TUB: variants seen among roughly 807,000 people sequenced by gnomAD.
TUB encodes TUB bipartite transcription factor.
Under a neutral mutation model 59.7 loss-of-function variants are expected in TUB, and 33 were observed. That is an observed-to-expected ratio of 0.55 (90% CI 0.42 to 0.74). The LOEUF is 0.74. Ranked by LOEUF, TUB falls within the 30% of genes least tolerant of loss-of-function variation. The pLI is 0.00. For synonymous variants in TUB, 293 were observed against 256.4 expected (o/e 1.14, Z -1.36); for missense variants, 659 against 672.0 (o/e 0.98, Z 0.21).
intron 2 of TUB, among the ~76,000 whole-genome samples, chr11:8,061,132 C>T (rs146426341): frequency 6.6e-5 from 10 of 152,380 alleles, no homozygotes; most frequent in Non-Finnish European, 1.5e-4. Flanking sequence ...CCTTGATGCT[C>T]TCTGTCCATT....
At chr11:8,021,888 C>T (rs1412652347) in intron 1 of TUB, among the ~76,000 whole-genome samples, 9 of 150,042 alleles carry the variant, frequency 6.0e-5, no homozygotes, top group East Asian at 3.9e-4. Context: ...TGGACTCTAG[C>T]CTGGGCAACA....
intron 2 of TUB, among the ~76,000 whole-genome samples, chr11:8,055,220 T>C (rs1943000216): frequency 6.6e-6 from 1 of 152,002 alleles, no homozygotes; most frequent in African/African-American, 2.4e-5. Flanking sequence ...GGCCTGTGTG[T>C]GTGCGTGTGT....
chr11:8,032,223 G>T (rs1396737536), intron 1 of TUB, among the ~76,000 whole-genome samples: 1 of 152,146 alleles, frequency 6.6e-6, no homozygotes, highest in Non-Finnish European at 1.5e-5. Flanking sequence ...TCCTACTCCA[G>T]TCCTGACCCT....
upstream of TUB, chr11:8,077,768 G>A (rs1943473484): frequency 6.6e-6 from 1 of 152,146 alleles, no homozygotes; most frequent in African/African-American, 2.4e-5. Flanking sequence ...ACACCTTAAT[G>A]TAGGGTACAG....
chr11:8,087,306 T>G (rs1448865047), intron 1 of TUB, among the ~76,000 whole-genome samples: 2 of 152,252 alleles, frequency 1.3e-5, no homozygotes, highest in African/African-American at 4.8e-5. Flanking sequence ...GGAAGTCATC[T>G]TCTTTGTCTT....
exon 1 of TUB, chr11:8,038,665 G>C (rs540092869): frequency 1.2e-5 from 17 of 1,371,106 alleles, no homozygotes; most frequent in Middle Eastern, 5.6e-4. Context: ...GAAGGGTTTG[G>C]GGGGAGACTG....
At chr11:8,079,834 G>C (rs1943512152), upstream of TUB, among the ~76,000 whole-genome samples, 1 of 152,072 alleles carries the variant, frequency 6.6e-6, no homozygotes, top group African/African-American at 2.4e-5. Context: ...GTGTGACTTT[G>C]GGCAAGATCC....
intron 2 of TUB, among the ~76,000 whole-genome samples, chr11:8,073,671 T>A: frequency 6.6e-6 from 1 of 152,164 alleles, no homozygotes. Flanking sequence ...AACAAACCCC[T>A]CCTGGAGGCT....
At chr11:8,064,409 C>T (rs1193381565) in intron 2 of TUB, among the ~76,000 whole-genome samples, 2 of 152,134 alleles carry the variant, frequency 1.3e-5, no homozygotes, top group Admixed American at 1.3e-4. Context: ...GCTTGTAGTA[C>T]ACTTGCCTGT....
upstream of TUB, among the ~76,000 whole-genome samples, chr11:8,078,223 C>A (rs970902606): frequency 1.3e-5 from 2 of 152,062 alleles, no homozygotes; most frequent in African/African-American, 2.4e-5. Context: ...CCTTCACTCC[C>A]CCTCACAAAC....
chr11:8,090,983 C>A (rs2133836072), intron 3 of TUB, among the ~76,000 whole-genome samples: 1 of 152,224 alleles, frequency 6.6e-6, no homozygotes, highest in East Asian at 1.9e-4. Context: ...GCTAGTAATC[C>A]AGGCTGCTAC....
chr11:8,039,684 G>T, exon 2 of TUB: 1 of 1,534,992 alleles, frequency 6.5e-7, no homozygotes, highest in Non-Finnish European at 8.8e-7. Context: ...AAGGAAGGGA[G>T]ATCGCTCGGT....
At chr11:8,057,895 C>T (rs1403108987) in intron 2 of TUB, among the ~76,000 whole-genome samples, 1 of 152,088 alleles carries the variant, frequency 6.6e-6, no homozygotes, top group Non-Finnish European at 1.5e-5. Flanking sequence ...TTGACTTAAC[C>T]ACTCAGTCAG....
chr11:8,041,967 T>C (rs1410200135), intron 2 of TUB, among the ~76,000 whole-genome samples: 1 of 152,194 alleles, frequency 6.6e-6, no homozygotes, highest in Non-Finnish European at 1.5e-5. Context: ...TTCAAAGCTC[T>C]CACATTACCC....
At chr11:8,038,321 G>A (rs1942681376), upstream of TUB, among the ~76,000 whole-genome samples, 1 of 152,164 alleles carries the variant, frequency 6.6e-6, no homozygotes, top group South Asian at 2.1e-4. Flanking sequence ...GAACACCCAG[G>A]TGCATTTCAG....
At chr11:8,038,669 G>A (rs1942687356) in exon 1 of TUB, 3 of 1,376,200 alleles carry the variant, frequency 2.2e-6, no homozygotes, top group East Asian at 2.8e-5. Context: ...GGTTTGGGGG[G>A]AGACTGCGAC....
intron 2 of TUB, among the ~76,000 whole-genome samples, chr11:8,052,766 T>C (rs1226076140): frequency 2.0e-5 from 3 of 152,216 alleles, no homozygotes; most frequent in Non-Finnish European, 4.4e-5. Context: ...TGAGCCACTG[T>C]GCCCGGCCGG....
Position 8,100,926 on chromosome 11 carries a change from A to G in TUB, c.1316A>G (p.Tyr439Cys). 4 of 1,614,140 alleles carry G rather than the reference A, an allele frequency of 2.5e-6. No individual in the cohort carries two copies. The highest frequency in any genetic ancestry group is 3.4e-6 in the Non-Finnish European group (4 of 1,180,010). The change falls in exon 11 of 12, where the codon TAT (tyrosine) becomes TGT (cysteine). Residue 439 changes from tyrosine to cysteine, a missense_variant. Tyr to Cys is a radical substitution (Grantham distance 194). Coordinates refer to ENST00000299506, the MANE Select transcript of TUB (RefSeq NM_177972.3). ...TPVWNDDTQSYVLNFHGRVTQ... is the reference protein window; with the variant it reads ...TPVWNDDTQSCVLNFHGRVTQ... ...GTCTGGAATGATGACACACAGTCCTATGTACTCAACTTCCATGGGCGCGTC... is the reference window on the plus strand; with the variant it reads ...GTCTGGAATGATGACACACAGTCCTGTGTACTCAACTTCCATGGGCGCGTC...
intron 2 of TUB, chr11:8,076,161 C>T (rs1356222527): frequency 6.6e-6 from 1 of 152,216 alleles, no homozygotes; most frequent in Non-Finnish European, 1.5e-5. Context: ...GGTGCTACCT[C>T]TGTCCACAAG....
Sources: allele counts gnomAD v4.1 joint callset (sites outside exome capture counted in the v4.1 genomes callset), GRCh38; gene constraint gnomAD v4.1.1; transcripts MANE v1.5; gene names NCBI Gene and HGNC (gene_info 2026-07-23, HGNC 2026-07-21).